The following MED27 variants were observed in gnomAD, a reference collection of about 807,000 sequenced individuals.
MED27 encodes the protein mediator complex subunit 27.
A neutral mutation model predicts 38.2 loss-of-function variants in MED27; 30 were observed. The observed-to-expected ratio is 0.79, with a 90% CI of 0.59 to 1.07. The LOEUF (loss-of-function observed/expected upper bound fraction) is 1.07, where lower values mean the gene tolerates loss of function less well. Among genes scored for constraint, MED27 ranks in the 50% least tolerant of loss-of-function variants. The probability of loss-of-function intolerance (pLI) is 0.00; values close to 1 mark genes in which losing one functional copy is unlikely to be tolerated. For synonymous variants in MED27, 122 were observed against 153.5 expected (o/e 0.79, Z 1.52); for missense variants, 289 against 397.5 (o/e 0.73, Z 2.32).
chr9:131,913,210 A>G lies in MED27; in HGVS notation c.574-19218T>C, dbSNP rs1830222183. The stretch of plus-strand genomic sequence containing the variant: ...ACATTTCCCTTAGTCCCCTACATGC[A>G]CTAGGAGCTTTCTGTATTTCTTTGA... On this transcript the variant is annotated intron_variant, in intron 4 of 7. Transcript: ENST00000292035. The surrounding 1 kb of genome is among the most constrained non-coding windows in gnomAD (Gnocchi z 4.5). Among the ~76,000 whole-genome samples, 2 of 152,218 alleles carry G rather than the reference A, an allele frequency of 1.3e-5. No individual in the cohort carries two copies. Among genetic ancestry groups the G allele is most frequent in the South Asian group, 4.1e-4 (2 of 4,834 alleles).
chr9:131,921,100 A>T (rs1830383493), intron 4 of MED27, among the ~76,000 whole-genome samples: 1 of 152,160 alleles, frequency 6.6e-6, no homozygotes, highest in South Asian at 2.1e-4. Context: ...TGGATATCTA[A>T]ATATGCATGC....
rs540364069 is a variant in MED27 at position 131,888,153 on chromosome 9, C to T, written c.682-4054G>A. On this transcript the variant is annotated intron_variant, in intron 5 of 7. Transcript: ENST00000292035. ...ACCACCACCACCACCTCCATCACAA[C>T]CAGCAAGGGCGGATGCCATTTACTG... Among the ~76,000 whole-genome samples the T allele has an allele frequency of 3.9e-5, 6 of 152,348 alleles. No homozygotes were observed. The East Asian group carries it at 1.2e-3, about 29-fold the overall frequency.
chr9:131,875,419 G>A (rs1259901967), intron 6 of MED27, among the ~76,000 whole-genome samples: 1 of 152,188 alleles, frequency 6.6e-6, no homozygotes, highest in Non-Finnish European at 1.5e-5. Flanking sequence ...ACCCAGGTCT[G>A]TCTGACTCCA....
intron 2 of MED27, among the ~76,000 whole-genome samples, chr9:132,066,299 C>T (rs556510081): frequency 1.4e-4 from 21 of 152,210 alleles, no homozygotes; most frequent in Admixed American, 3.9e-4. Flanking sequence ...GCATTCCAGG[C>T]GGAGGCATGG....
At chr9:131,903,202 G>A (rs1429101141) in intron 4 of MED27, among the ~76,000 whole-genome samples, 1 of 152,228 alleles carries the variant, frequency 6.6e-6, no homozygotes, top group Non-Finnish European at 1.5e-5. Flanking sequence ...CACAATCATG[G>A]CGGAAGGCAA....
chr9:131,897,291 T>C (rs759625066), intron 4 of MED27, among the ~76,000 whole-genome samples: 12 of 152,234 alleles, frequency 7.9e-5, no homozygotes, highest in Non-Finnish European at 1.3e-4. Flanking sequence ...TGCAAAGTCA[T>C]AACTACTGTG....
chr9:132,009,252 G>A (rs1436623010), intron 3 of MED27, among the ~76,000 whole-genome samples: 5 of 152,156 alleles, frequency 3.3e-5, no homozygotes, highest in African/African-American at 1.2e-4. Context: ...GGGTTTACAG[G>A]CTCAGCCATT....
chr9:131,939,229 C>G (rs988195254), intron 4 of MED27, 152 bp downstream of exon 4: 5 of 446,572 alleles, frequency 1.1e-5, no homozygotes, highest in Non-Finnish European at 1.9e-5. Context: ...GAATTCTTAA[C>G]CTACAGAATG....
chr9:131,959,032 A>C (rs1464903515), intron 3 of MED27, among the ~76,000 whole-genome samples: 2 of 152,218 alleles, frequency 1.3e-5, no homozygotes, highest in East Asian at 3.8e-4. Flanking sequence ...TTACTACTGA[A>C]GTAAGATATT....
At position 131,939,342 on chromosome 9, in the gene MED27, T is replaced by A. The variant is rs770712550; in HGVS notation, c.573+39A>T. The A allele has an allele frequency of 2.1e-6, 3 of 1,412,160 alleles. No individual in the cohort carries two copies. The African/African-American group carries it at 4.3e-5, about 20-fold the overall frequency. 87.5% of individuals were successfully genotyped at this position (1,412,160 alleles called of 1,614,324 possible). ...AGAGTTAATTGTGAAGTCCATTTTT[T>A]CCCCCAACATCCCTACAAATCAGTC... On this transcript the variant is annotated intron_variant, in intron 4 of 7. Coordinates refer to ENST00000292035, the MANE Select transcript of MED27 (RefSeq NM_004269.4).
intron 2 of MED27, among the ~76,000 whole-genome samples, chr9:132,030,592 C>G (rs1832937781): frequency 6.6e-6 from 1 of 152,152 alleles, no homozygotes; most frequent in African/African-American, 2.4e-5. Flanking sequence ...TATTTCAAAG[C>G]AGCAATGTGC....
Position 131,875,201 on chromosome 9 carries a change from C to T in MED27, c.723+8857G>A, listed in dbSNP as rs566833840. ...CCAGTTCCTGGACCCAGGATCCTGC[C>T]TACATCAGCATATCAGGGCTGCCCA... On this transcript the variant is annotated intron_variant, in intron 6 of 7. Coordinates refer to ENST00000292035, the MANE Select transcript of MED27 (RefSeq NM_004269.4). Among the ~76,000 whole-genome samples, 18 of 152,302 alleles carry T rather than the reference C, an allele frequency of 1.2e-4. No individual in the cohort carries two copies. In the East Asian group the frequency reaches 2.9e-3, roughly 24 times the overall value.
intron 3 of MED27, among the ~76,000 whole-genome samples, chr9:131,949,469 C>T (rs1830948133): frequency 6.6e-6 from 1 of 152,116 alleles, no homozygotes; most frequent in Non-Finnish European, 1.5e-5. Context: ...AGTGACTTGC[C>T]CAGGAAGACA....
chr9:131,943,996 G>A (rs763842322), intron 3 of MED27, among the ~76,000 whole-genome samples: 1 of 152,132 alleles, frequency 6.6e-6, no homozygotes, highest in African/African-American at 2.4e-5. Flanking sequence ...CCTAGCTGCG[G>A]TAAGACTCTC....
intron 2 of MED27, among the ~76,000 whole-genome samples, chr9:132,044,408 T>C (rs191335462): frequency 6.6e-5 from 10 of 152,222 alleles, no homozygotes; most frequent in Non-Finnish European, 1.3e-4. Context: ...CTCCCAGCGC[T>C]TTTTCAGTGA....
At chr9:131,916,007 A>G (rs950512009) in intron 4 of MED27, among the ~76,000 whole-genome samples, 3 of 152,260 alleles carry the variant, frequency 2.0e-5, no homozygotes, top group Non-Finnish European at 4.4e-5. Context: ...TTAAAATCCA[A>G]TATAATACAA....
chr9:132,065,715 T>C lies in MED27; in HGVS notation c.348+11727A>G, dbSNP rs140264364. Among the ~76,000 whole-genome samples, 84 of 152,288 alleles carry C rather than the reference T, an allele frequency of 5.5e-4. 1 individual carries two copies. The East Asian group carries it at 0.015, about 27-fold the overall frequency. ...ATGTCCATGCCCGGGCTGGGCCCCA[T>C]ATGGCTGTCTGTGGATCACACCTGT... is the stretch of plus-strand genomic sequence containing the variant. On this transcript the variant is annotated intron_variant, in intron 2 of 7. Transcript: ENST00000292035.
At chr9:132,049,069 C>T (rs751189007) in intron 2 of MED27, among the ~76,000 whole-genome samples, 6 of 152,196 alleles carry the variant, frequency 3.9e-5, no homozygotes, top group African/African-American at 7.2e-5. Flanking sequence ...AGCAACCAAT[C>T]AGTTTTGGTG....
intron 2 of MED27, among the ~76,000 whole-genome samples, chr9:132,034,347 C>T (rs968482022): frequency 6.6e-6 from 1 of 152,164 alleles, no homozygotes; most frequent in African/African-American, 2.4e-5. Flanking sequence ...CAAAGTATGT[C>T]AGACTCAAGG....
Sources: allele counts gnomAD v4.1 joint callset (sites outside exome capture counted in the v4.1 genomes callset), GRCh38; gene constraint gnomAD v4.1.1; non-coding constraint Gnocchi (gnomAD v3.1); transcripts MANE v1.5; gene names NCBI Gene and HGNC (gene_info 2026-07-23, HGNC 2026-07-21).